ALG6: variants seen among roughly 807,000 people sequenced by gnomAD.
The protein encoded by ALG6 is dolichyl pyrophosphate Man9GlcNAc2 alpha-1,3-glucosyltransferase.
In ALG6, 46 loss-of-function variants were observed where a neutral mutation model predicts 66.6. The observed-to-expected ratio is 0.69, with a 90% confidence interval of 0.55 to 0.88. The LOEUF (loss-of-function observed/expected upper bound fraction) is 0.88, where lower values mean the gene tolerates loss of function less well. ALG6 is among the 40% of genes least tolerant of loss of function. The pLI, the probability that ALG6 is intolerant of heterozygous loss-of-function variation, is 0.00. For missense variants in ALG6, 505 were observed against 586.8 expected, an observed-to-expected ratio of 0.86 and a Z score of 1.44; for synonymous variants, 185 against 203.7, an observed-to-expected ratio of 0.91 and a Z score of 0.78.
At chr1:63,400,618 T>C (rs1644460566) in intron 3 of ALG6, among the ~76,000 whole-genome samples, 1 of 151,914 alleles carries the variant, frequency 6.6e-6, no homozygotes, top group South Asian at 2.1e-4. Context: ...AATGCCTCTT[T>C]TACTCATCTC....
intron 2 of ALG6, among the ~76,000 whole-genome samples, chr1:63,384,399 T>A (rs1411099035): frequency 1.3e-5 from 2 of 152,224 alleles, no homozygotes; most frequent in African/African-American, 4.8e-5. Flanking sequence ...TGTTAATCCC[T>A]TGTCAGATGG....
chr1:63,422,138 AATATATATAAATATAAAT>A (rs1557594763), intron 12 of ALG6, among the ~76,000 whole-genome samples: 51 of 55,710 alleles, frequency 9.2e-4, no homozygotes, highest in African/African-American at 2.9e-3. Flanking sequence ...TAAATATATA[AATATATATAAATATAAAT>A]ATATATATAA....
At chr1:63,403,608 A>T (rs1426134698) in intron 4 of ALG6, among the ~76,000 whole-genome samples, 1 of 152,188 alleles carries the variant, frequency 6.6e-6, no homozygotes, top group Non-Finnish European at 1.5e-5. Context: ...ACATTCTGAG[A>T]AATGTGTGGT....
intron 14 of ALG6, 68 bp from the exon 15 acceptor site, chr1:63,436,755 A>G: frequency 6.9e-7 from 1 of 1,454,728 alleles, no homozygotes; most frequent in Admixed American, 1.7e-5. Flanking sequence ...AATAGCTACA[A>G]GTCAATGTTT....
Position 63,433,272 on chromosome 1 carries a change from A to G in ALG6, c.1327-3551A>G, listed in dbSNP as rs188231016. On this transcript the variant is annotated intron_variant, in intron 14 of 14. Coordinates refer to ENST00000263440, the MANE Select transcript of ALG6 (RefSeq NM_013339.4). The surrounding 1 kb of genome is among the most constrained non-coding windows in gnomAD (Gnocchi z 4.2). ...GCTATACTTATTTATATTTTTGAGT[A>G]CTACATAGAGGATTGCCCAAAGTAC... Among the ~76,000 whole-genome samples the G allele has an allele frequency of 5.3e-4, 81 of 152,300 alleles. 1 individual carries two copies. The highest frequency in any genetic ancestry group is 1.9e-3 in the African/African-American group (77 of 41,576).
intron 12 of ALG6, among the ~76,000 whole-genome samples, chr1:63,425,731 G>T (rs1358987421): frequency 6.6e-6 from 1 of 152,144 alleles, no homozygotes; most frequent in Non-Finnish European, 1.5e-5. Context: ...AGTATTTCCA[G>T]GTTTATGGTT....
At chr1:63,400,269 GTATATATATATACGTA>G (rs1644450974) in intron 3 of ALG6, among the ~76,000 whole-genome samples, 1 of 7,556 alleles carries the variant, frequency 1.3e-4, no homozygotes, top group South Asian at 9.4e-3. Context: ...ATATATATAC[GTATATATATATACGTA>G]TATATATATA....
At chr1:63,368,563 C>T (rs933226487) in intron 1 of ALG6, among the ~76,000 whole-genome samples, 2 of 151,856 alleles carry the variant, frequency 1.3e-5, no homozygotes, top group African/African-American at 2.4e-5. Context: ...TGCAGTGGCA[C>T]GATCTTGGCT....
intron 2 of ALG6, among the ~76,000 whole-genome samples, chr1:63,385,190 T>C (rs1255356779): frequency 4.1e-5 from 1 of 24,654 alleles, no homozygotes. Context: ...TCTTCTTTTT[T>C]TTTTTTTTTT....
At chr1:63,421,465 T>C (rs747264034) in intron 12 of ALG6, among the ~76,000 whole-genome samples, 1 of 152,186 alleles carries the variant, frequency 6.6e-6, no homozygotes, top group African/African-American at 2.4e-5. Flanking sequence ...AGCAATCCCA[T>C]TACTGAGTAT....
chr1:63,369,177 T>C (rs749814354), intron 1 of ALG6, among the ~76,000 whole-genome samples: 9 of 152,078 alleles, frequency 5.9e-5, no homozygotes, highest in East Asian at 1.9e-4. Context: ...AGGAAGCAAA[T>C]TGAAGGTAAT....
chr1:63,419,351 C>G lies in ALG6; in HGVS notation c.988-19C>G. The G allele has an allele frequency of 6.3e-7, 1 of 1,588,290 alleles. No homozygotes were observed. Among genetic ancestry groups the G allele is most frequent in the East Asian group, 2.3e-5 (1 of 44,378 alleles). On this transcript the variant is annotated intron_variant, in intron 11 of 14. Transcript: ENST00000263440. Reference sequence around the variant, plus strand: ...TTCACAAGTTGTTATATCTCATTTCCCCCCCTTTTTTCTTAAAGGTTAGCT... The same window carrying G: ...TTCACAAGTTGTTATATCTCATTTCGCCCCCTTTTTTCTTAAAGGTTAGCT...
chr1:63,374,335 T>C (rs771814957), intron 2 of ALG6, among the ~76,000 whole-genome samples: 2 of 152,176 alleles, frequency 1.3e-5, no homozygotes, highest in Non-Finnish European at 2.9e-5. Context: ...ATACATACTT[T>C]AAGAGGGTTC....
At chr1:63,420,268 T>C (rs779261076) in intron 12 of ALG6, among the ~76,000 whole-genome samples, 3 of 152,192 alleles carry the variant, frequency 2.0e-5, no homozygotes, top group African/African-American at 7.2e-5. Context: ...TGCCATCCTC[T>C]GAGGCCCAAA....
At chr1:63,404,377 T>G (rs1644480285) in intron 4 of ALG6, 76 bp from the exon 5 acceptor site, 1 of 1,172,750 alleles carries the variant, frequency 8.5e-7, no homozygotes, top group South Asian at 1.2e-5. Flanking sequence ...TATTAATACA[T>G]TCATATATCC....
intron 9 of ALG6, among the ~76,000 whole-genome samples, chr1:63,412,352 G>A (rs1030978126): frequency 2.5e-4 from 38 of 152,086 alleles, no homozygotes; most frequent in Non-Finnish European, 2.1e-4. Flanking sequence ...GGACAACAGG[G>A]TGTGTGCACC....
intron 2 of ALG6, among the ~76,000 whole-genome samples, chr1:63,382,070 C>CT (rs1229661314): frequency 6.7e-6 from 1 of 150,250 alleles, no homozygotes; most frequent in African/African-American, 2.5e-5. Flanking sequence ...CTCATAATTT[C>CT]TTTTTTTGTT....
At position 63,371,060 on chromosome 1, in the gene ALG6, G is replaced by A. The variant is rs771618945; in HGVS notation, c.82+1G>A. 2 of 1,592,794 alleles carry A rather than the reference G, an allele frequency of 1.3e-6. No individual in the cohort carries two copies. The highest frequency in any genetic ancestry group is 1.7e-6 in the Non-Finnish European group (2 of 1,161,344). On this transcript the variant is annotated splice_donor_variant, in intron 2 of 14. Coordinates refer to ENST00000263440, the MANE Select transcript of ALG6 (RefSeq NM_013339.4). LOFTEE classifies it high-confidence loss of function. ...ACAGTGTCTCTTAATTCTTATTCAG[G>A]TAATACATTTTTACTGGTTAAAAAA...
chr1:63,412,139 A>G (rs1369774022), intron 9 of ALG6, 78 bp downstream of exon 9: 2 of 1,587,130 alleles, frequency 1.3e-6, no homozygotes, highest in Non-Finnish European at 1.7e-6. Flanking sequence ...TAGAAGGTAC[A>G]AGGAATAGGA....
Sources: gnomAD v4.1 joint callset for allele counts (sites outside exome capture counted in the v4.1 genomes callset) on GRCh38, gnomAD v4.1.1 for gene constraint, Gnocchi (gnomAD v3.1) non-coding constraint, MANE v1.5 for transcripts, NCBI Gene and HGNC (gene_info 2026-07-23, HGNC 2026-07-21) for gene names.